TRIM71: variants seen among roughly 807,000 people sequenced by gnomAD.
TRIM71 encodes E3 ubiquitin-protein ligase TRIM71.
Under a neutral mutation model 61.2 loss-of-function variants are expected in TRIM71, and 9 were observed. The ratio of observed to expected loss-of-function variants is 0.15; its 90% confidence interval spans 0.09 to 0.26. The LOEUF (loss-of-function observed/expected upper bound fraction) is 0.26, where lower values mean the gene tolerates loss of function less well. TRIM71 is among the 10% of genes least tolerant of loss of function. The probability of loss-of-function intolerance (pLI) is 1.00; values close to 1 mark genes in which losing one functional copy is unlikely to be tolerated. For synonymous variants in TRIM71, 645 were observed against 553.2 expected (o/e 1.17, Z -2.33); for missense variants, 998 against 1,238.7 (o/e 0.81, Z 2.92).
chr3:32,826,167 C>T (rs1235571481), intron 1 of TRIM71, among the ~76,000 whole-genome samples: 1 of 152,206 alleles, frequency 6.6e-6, no homozygotes, highest in African/African-American at 2.4e-5. Context: ...TCCCACTCAA[C>T]TCCCATCCAG....
At chr3:32,827,540 C>T (rs935244316) in intron 1 of TRIM71, among the ~76,000 whole-genome samples, 2 of 152,120 alleles carry the variant, frequency 1.3e-5, no homozygotes, top group African/African-American at 4.8e-5. Context: ...GGATTACAGG[C>T]GTGAGCCACC....
chr3:32,867,343 A>C (rs1696749400), intron 1 of TRIM71, among the ~76,000 whole-genome samples: 1 of 152,204 alleles, frequency 6.6e-6, no homozygotes, highest in South Asian at 2.1e-4. Flanking sequence ...GAAATACATA[A>C]ACATTTACTA....
rs1197869163 is a variant in TRIM71, at chr3:32,818,017, C to T, written c.-64C>T. 1.3e-6 allele frequency: 2 copies of T among 1,509,584 alleles called. No individual in the cohort carries two copies. The highest frequency in any genetic ancestry group is 1.8e-6 in the Non-Finnish European group (2 of 1,096,520). 93.5% of individuals were successfully genotyped at this position (1,509,584 alleles called of 1,614,324 possible). On this transcript the variant is annotated 5_prime_UTR_variant, in exon 1 of 4. Transcript: ENST00000383763. ...CGGTGACTCCCCCACCCACCTCGTCCGCTCTCTCCTCCTCCTCCTCCTCTT... is the reference window on the plus strand; with the variant it reads ...CGGTGACTCCCCCACCCACCTCGTCTGCTCTCTCCTCCTCCTCCTCCTCTT...
chr3:32,885,861 C>T, intron 2 of TRIM71, 73 bp from the exon 3 acceptor site: 1 of 1,539,002 alleles, frequency 6.5e-7, no homozygotes, highest in Non-Finnish European at 8.8e-7. Context: ...TCTGACAGAG[C>T]AGATTCAAAT....
At chr3:32,870,669 TG>T (rs1696785722) in intron 1 of TRIM71, among the ~76,000 whole-genome samples, 1 of 152,142 alleles carries the variant, frequency 6.6e-6, no homozygotes, top group Non-Finnish European at 1.5e-5. Context: ...CTACCATTCA[TG>T]GGGGGATTGC....
chr3:32,821,640 T>G (rs1204594697), intron 1 of TRIM71, among the ~76,000 whole-genome samples: 1 of 152,138 alleles, frequency 6.6e-6, no homozygotes, highest in East Asian at 1.9e-4. Flanking sequence ...TTGGGGCTTT[T>G]CACTAGTTCT....
At chr3:32,873,211 G>A (rs906533598) in intron 1 of TRIM71, among the ~76,000 whole-genome samples, 1 of 152,110 alleles carries the variant, frequency 6.6e-6, no homozygotes, top group Non-Finnish European at 1.5e-5. Flanking sequence ...GAAAGGCAAG[G>A]AGCTGGCTGA....
At chr3:32,824,241 A>G (rs927291220) in intron 1 of TRIM71, among the ~76,000 whole-genome samples, 16 of 151,938 alleles carry the variant, frequency 1.1e-4, no homozygotes, top group Non-Finnish European at 2.2e-4. Context: ...GCGGTGGTGC[A>G]GTCTTGGCTC....
chr3:32,859,305 G>A, intron 1 of TRIM71, among the ~76,000 whole-genome samples: 1 of 152,152 alleles, frequency 6.6e-6, no homozygotes, highest in South Asian at 2.1e-4. Flanking sequence ...TTATTGCCTG[G>A]GTGGAGTGCA....
Position 32,891,889 on chromosome 3 carries a change from T to TCTC in TRIM71, c.*78_*79insCTC. 2.0e-5 allele frequency: 30 copies of TCTC among 1,518,890 alleles called. No individual in the cohort carries two copies. The highest frequency in any genetic ancestry group is 9.3e-5 in the Admixed American group (4 of 42,916). 94.1% of individuals were successfully genotyped at this position (1,518,890 alleles called of 1,614,324 possible). ...CTCTCTCTCTTTCTCTTTCTCTCTC[T>TCTC]TTTTGAATTTCAAAGAAGAAACAGT... On this transcript the variant is annotated 3_prime_UTR_variant, in exon 4 of 4. Transcript: ENST00000383763. This position sits in a 1 kb window ranked among gnomAD's most constrained non-coding sequence, Gnocchi z 8.2.
Position 32,896,552 on chromosome 3 carries a change from G to A in TRIM71, c.*4741G>A, listed in dbSNP as rs985307889. The A allele has an allele frequency of 2.0e-5, 3 of 152,072 alleles. No homozygotes were observed. The highest frequency in any genetic ancestry group is 2.9e-5 in the Non-Finnish European group (2 of 68,018). 9.4% of individuals were successfully genotyped at this position (152,072 alleles called of 1,614,324 possible). A position where few individuals can be genotyped will look rare whatever the true frequency, so the allele number is the denominator to read the frequency against. ...TTCTGCCCTAATTTTTGGTTGTTTG[G>A]AAGAGAGGAGGGTCCTAAGACCACT... is the stretch of plus-strand genomic sequence containing the variant. On this transcript the variant is annotated 3_prime_UTR_variant, in exon 4 of 4. Transcript: ENST00000383763.
Position 32,818,320 on chromosome 3 carries a change from CGGCGCGGCG to C in TRIM71, c.243_251del (p.Ala82_Gly84del). 1 of 1,437,408 alleles carries C rather than the reference CGGCGCGGCG, an allele frequency of 7.0e-7. No homozygotes were observed. Among genetic ancestry groups the C allele is most frequent in the South Asian group, 1.3e-5 (1 of 74,106 alleles). The allele number at this position is 1,437,408 out of a possible 1,614,324, so 89.0% of individuals were successfully genotyped here. On this transcript the variant is annotated inframe_deletion, in exon 1 of 4. Coordinates refer to ENST00000383763, the MANE Select transcript of TRIM71 (RefSeq NM_001039111.3). ...CGCACCGGCTGCCGGCGGCGGGCGGCGGCGCGGCGGGAGAGCCGCTCAAGCTGCGCTGCC... is the reference window on the plus strand; with the variant it reads ...CGCACCGGCTGCCGGCGGCGGGCGGCGGAGAGCCGCTCAAGCTGCGCTGCC...
intron 1 of TRIM71, among the ~76,000 whole-genome samples, chr3:32,869,892 T>C (rs184558961): frequency 6.6e-6 from 1 of 152,312 alleles, no homozygotes; most frequent in East Asian, 1.9e-4. Flanking sequence ...AGGGGGCGTG[T>C]CTGTGCATCT....
intron 1 of TRIM71, among the ~76,000 whole-genome samples, chr3:32,826,582 C>CTTTTTTTTTTTTTTTTTTT (rs71068090): frequency 2.4e-5 from 2 of 83,098 alleles, no homozygotes; most frequent in African/African-American, 5.2e-5. Flanking sequence ...CAGGTGAGTT[C>CTTTTTTTTTTTTTTTTTTT]TTTTTTTTTT....
At chr3:32,885,852 C>G (rs1696955874) in intron 2 of TRIM71, 82 bp from the exon 3 acceptor site, 1 of 1,513,140 alleles carries the variant, frequency 6.6e-7, no homozygotes, top group Non-Finnish European at 8.9e-7. Context: ...CTTTTCAAGT[C>G]TGACAGAGCA....
At chr3:32,851,854 CTTAAAT>C (rs1359359246) in intron 1 of TRIM71, among the ~76,000 whole-genome samples, 2 of 152,240 alleles carry the variant, frequency 1.3e-5, no homozygotes, top group East Asian at 3.9e-4. Context: ...TTATTTCAAA[CTTAAAT>C]TTCAGGTGGC....
chr3:32,854,361 A>C (rs1410426614), intron 1 of TRIM71, among the ~76,000 whole-genome samples: 1 of 152,164 alleles, frequency 6.6e-6, no homozygotes, highest in Non-Finnish European at 1.5e-5. Context: ...CTGGAGAGAC[A>C]CCTCATTCAT....
Position 32,893,344 on chromosome 3 carries a change from CTG to C in TRIM71, c.*1537_*1538del, listed in dbSNP as rs1697047188. Reference sequence around the variant, plus strand: ...CCACTGCAGAACTGTGGGGTAGAATCTGTGTCACTTTACAGGATTGGTTGGTT... The same window carrying C: ...CCACTGCAGAACTGTGGGGTAGAATCTGTCACTTTACAGGATTGGTTGGTT... On this transcript the variant is annotated 3_prime_UTR_variant, in exon 4 of 4. Transcript: ENST00000383763. The C allele has an allele frequency of 6.6e-6, 1 of 152,184 alleles. No homozygotes were observed. Among genetic ancestry groups the C allele is most frequent in the African/African-American group, 2.4e-5 (1 of 41,444 alleles). The allele number at this position is 152,184 out of a possible 1,614,324, so 9.4% of individuals were successfully genotyped here.
At chr3:32,864,013 G>A (rs4909013) in intron 1 of TRIM71, among the ~76,000 whole-genome samples, 144,443 of 152,280 alleles carry the variant, frequency 0.95, 68,953 homozygotes, top group East Asian at 1. Context: ...CAAACATCCT[G>A]TTGTGTGTAT....
Sources: allele counts gnomAD v4.1 joint callset (sites outside exome capture counted in the v4.1 genomes callset), GRCh38; gene constraint gnomAD v4.1.1; non-coding constraint Gnocchi (gnomAD v3.1); transcripts MANE v1.5; gene names NCBI Gene and HGNC (gene_info 2026-07-23, HGNC 2026-07-21).